Variants in VNN1 observed in about 807,000 individuals in gnomAD.
VNN1 encodes the protein pantetheinase.
In VNN1, 29 loss-of-function variants were observed where a neutral mutation model predicts 41.9. The observed-to-expected ratio is 0.69, with a 90% CI of 0.52 to 0.94. The LOEUF (loss-of-function observed/expected upper bound fraction) is 0.94. Ranked by LOEUF, VNN1 falls within the 40% of genes least tolerant of loss-of-function variation. VNN1 has a pLI of 0.00. For synonymous variants in VNN1, 233 were observed against 224.4 expected (o/e 1.04, Z -0.34); for missense variants, 637 against 621.1 (o/e 1.03, Z -0.27).
At chr6:132,699,099 C>T in intron 2 of VNN1, 3 of 289,904 alleles carry the variant, frequency 1.0e-5, no homozygotes, top group Middle Eastern at 4.3e-4. Context: ...GCTGTAAAAT[C>T]AATAGAAGAG....
At chr6:132,684,732 C>A (rs1582766275) in intron 5 of VNN1, among the ~76,000 whole-genome samples, 1 of 146,932 alleles carries the variant, frequency 6.8e-6, no homozygotes, top group African/African-American at 2.7e-5. Flanking sequence ...AAAAAAAAAA[C>A]ATGAGAAAGT....
At chr6:132,692,916 G>T in intron 4 of VNN1, 108 bp downstream of exon 4, 1 of 1,256,694 alleles carries the variant, frequency 8.0e-7, no homozygotes, top group Non-Finnish European at 1.1e-6. Flanking sequence ...AAAATTAAGA[G>T]CTGGAAAACA....
intron 5 of VNN1, among the ~76,000 whole-genome samples, chr6:132,687,594 G>T (rs1243396037): frequency 6.6e-6 from 1 of 152,082 alleles, no homozygotes; most frequent in Non-Finnish European, 1.5e-5. Flanking sequence ...AGCAAATAAA[G>T]GTAGAAGGAG....
At position 132,685,260 on chromosome 6, in the gene VNN1, A is replaced by G. The variant is rs576486646; in HGVS notation, c.1189-755T>C. Reference sequence around the variant, plus strand: ...AAGTATGTGAGTCATCTCACCATGCAGATGAAAAGTTTCCAAAAGGAGATC... The same window carrying G: ...AAGTATGTGAGTCATCTCACCATGCGGATGAAAAGTTTCCAAAAGGAGATC... On this transcript the variant is annotated intron_variant, in intron 5 of 6. Transcript: ENST00000367928. Among the ~76,000 whole-genome samples the G allele has an allele frequency of 7.2e-5, 11 of 152,362 alleles. No individual in the cohort carries two copies. The South Asian group carries it at 2.3e-3, about 32-fold the overall frequency.
Position 132,681,910 on chromosome 6 carries a change from G to A in VNN1, c.*1230C>T, listed in dbSNP as rs1778130099. The A allele has an allele frequency of 6.6e-6, 1 of 152,594 alleles. No individual in the cohort carries two copies. Among genetic ancestry groups the A allele is most frequent in the Admixed American group, 6.5e-5 (1 of 15,284 alleles). 9.5% of individuals were successfully genotyped at this position (152,594 alleles called of 1,614,324 possible). A position where few individuals can be genotyped will look rare whatever the true frequency, so the allele number is the denominator to read the frequency against. ...TACTGCAAGTGCCTTGCTCTCCTGT[G>A]CAGAAGGGCATGCTTTGCACAGTGC... On this transcript the variant is annotated 3_prime_UTR_variant, in exon 7 of 7. Coordinates refer to ENST00000367928, the MANE Select transcript of VNN1 (RefSeq NM_004666.3).
In VNN1 at chr6:132,684,524, C is replaced by G. The variant is rs775494883; in HGVS notation, c.1189-19G>C. 16 of 1,612,682 alleles carry G rather than the reference C, an allele frequency of 9.9e-6. No individual in the cohort carries two copies. In the South Asian group the frequency reaches 1.6e-4, roughly 17 times the overall value. The stretch of plus-strand genomic sequence containing the variant: ...TACAAATCTAGGGAAGTCATGAAAA[C>G]CAGTAAGTCATAAGAAAGTCATGTG... On this transcript the variant is annotated intron_variant, in intron 5 of 6. Coordinates refer to ENST00000367928, the MANE Select transcript of VNN1 (RefSeq NM_004666.3).
rs773178006 is a variant in VNN1 at position 132,714,000 on chromosome 6, C to G, written c.36G>C (p.Leu12Phe). Residue 12 changes from leucine to phenylalanine, a missense_variant, in exon 1 of 7, where the codon TTG becomes TTC. By Grantham distance (22) the Leu-to-Phe change is conservative. Transcript: ENST00000367928. ...TTQLPAYVAI[L>F]LFYVSRASCQ... ...AGCTGGCTCTTGAGACATAGAAAAG[C>G]AAAATTGCCACGTAAGCTGGCAACT... The G allele has an allele frequency of 1.9e-6, 3 of 1,613,860 alleles. No homozygotes were observed. The African/African-American group carries it at 4.0e-5, about 22-fold the overall frequency.
At chr6:132,698,643 G>C (rs1778406728) in intron 2 of VNN1, 1 of 152,408 alleles carries the variant, frequency 6.6e-6, no homozygotes, top group Non-Finnish European at 1.5e-5. Flanking sequence ...GCTCTGCAGA[G>C]ACATCCACCC....
chr6:132,703,157 C>T (rs1778471793), intron 2 of VNN1, among the ~76,000 whole-genome samples: 2 of 152,180 alleles, frequency 1.3e-5, no homozygotes, highest in South Asian at 4.1e-4. Flanking sequence ...ATAAGAAATG[C>T]TAAAGAAATT....
At chr6:132,709,632 C>A (rs1778569040) in intron 2 of VNN1, among the ~76,000 whole-genome samples, 1 of 150,148 alleles carries the variant, frequency 6.7e-6, no homozygotes, top group Non-Finnish European at 1.5e-5. Flanking sequence ...CCACTGCACT[C>A]CAGCTTGGGC....
intron 2 of VNN1, among the ~76,000 whole-genome samples, chr6:132,702,637 G>A (rs561882710): frequency 5.9e-5 from 9 of 152,292 alleles, no homozygotes; most frequent in African/African-American, 1.9e-4. Flanking sequence ...AAGGAGACAG[G>A]AGCATAAAGA....
At chr6:132,684,721 T>TAA (rs370634739) in intron 5 of VNN1, among the ~76,000 whole-genome samples, 1 of 148,664 alleles carries the variant, frequency 6.7e-6, no homozygotes, top group African/African-American at 2.5e-5. Context: ...TAGATGCTCT[T>TAA]AAAAAAAAAA....
intron 2 of VNN1, among the ~76,000 whole-genome samples, chr6:132,710,688 C>T (rs1034400654): frequency 2.0e-5 from 3 of 152,160 alleles, no homozygotes; most frequent in Non-Finnish European, 4.4e-5. Context: ...CATGTCCCTG[C>T]AAAGGACATG....
intron 2 of VNN1, among the ~76,000 whole-genome samples, chr6:132,697,315 A>G (rs1166771426): frequency 6.6e-6 from 1 of 152,136 alleles, no homozygotes; most frequent in Non-Finnish European, 1.5e-5. Context: ...CACGGAGTGT[A>G]GAATGTACTG....
rs145483436 is a variant in VNN1 at position 132,692,513 on chromosome 6, G to C, written c.898C>G (p.Leu300Val). The C allele has an allele frequency of 2.0e-5, 33 of 1,612,268 alleles. No homozygotes were observed. Among genetic ancestry groups the C allele is most frequent in the Non-Finnish European group, 2.6e-5 (31 of 1,179,978 alleles). The change falls in exon 5 of 7, where the codon CTC becomes GTC. Residue 300 changes from leucine to valine, a missense_variant. Transcript: ENST00000367928. ...YDMKTEEGKL[L>V]LSQLDSHPSH... ...GGGTGGGAATCCAGTTGCGAGAGGA[G>C]GAGTTTTCCCTCTTCTGTCTTCATA... is the stretch of plus-strand genomic sequence containing the variant.
chr6:132,710,068 A>G (rs553483245), intron 2 of VNN1, among the ~76,000 whole-genome samples: 3 of 152,152 alleles, frequency 2.0e-5, no homozygotes, highest in Admixed American at 2.0e-4. Flanking sequence ...TTTGTTTTTG[A>G]GACAGAGTCT....
intron 4 of VNN1, 68 bp downstream of exon 4, chr6:132,692,956 A>G: frequency 6.7e-7 from 1 of 1,482,290 alleles, no homozygotes; most frequent in African/African-American, 1.4e-5. Context: ...TTAGCTAGAA[A>G]AACATGTTTT....
At chr6:132,710,807 A>G (rs961883901) in intron 2 of VNN1, among the ~76,000 whole-genome samples, 3 of 152,172 alleles carry the variant, frequency 2.0e-5, no homozygotes, top group Admixed American at 6.5e-5. Context: ...AGTCTTTGCT[A>G]TTGTGAACAG....
chr6:132,703,893 G>A (rs559775290), intron 2 of VNN1, among the ~76,000 whole-genome samples: 10 of 152,164 alleles, frequency 6.6e-5, no homozygotes, highest in African/African-American at 1.9e-4. Flanking sequence ...GAAAACAAAA[G>A]GAGCAGGGGT....
Sources: allele counts gnomAD v4.1 joint callset (sites outside exome capture counted in the v4.1 genomes callset), GRCh38; gene constraint gnomAD v4.1.1; transcripts MANE v1.5; gene names NCBI Gene and HGNC (gene_info 2026-07-23, HGNC 2026-07-21).